The following PCDHGA4 variants were observed in gnomAD, a reference collection of about 807,000 sequenced individuals.
PCDHGA4 encodes protocadherin gamma subfamily A, 4.
PCDHGA4 carries 38 observed loss-of-function variants against 54.6 expected under a neutral mutation model. The observed-to-expected ratio is 0.70, with a 90% confidence interval of 0.54 to 0.91. The LOEUF (loss-of-function observed/expected upper bound fraction) is 0.91, where lower values mean the gene tolerates loss of function less well. Among genes scored for constraint, PCDHGA4 ranks in the 40% least tolerant of loss-of-function variants. The probability of loss-of-function intolerance (pLI) is 0.00; values close to 1 mark genes in which losing one functional copy is unlikely to be tolerated. For synonymous variants in PCDHGA4, 511 were observed against 512.9 expected (o/e 1.00, Z 0.05); for missense variants, 1,298 against 1,220.9 (o/e 1.06, Z -0.94).
At chr5:141,399,785 A>G (rs748714301) in intron 1 of PCDHGA4, 6 of 1,613,294 alleles carry the variant, frequency 3.7e-6, no homozygotes, top group South Asian at 1.1e-5. Context: ...GACCGAAACG[A>G]CAACGCACCG....
intron 1 of PCDHGA4, among the ~76,000 whole-genome samples, chr5:141,455,803 A>C (rs1197986124): frequency 2.6e-5 from 4 of 152,068 alleles, no homozygotes; most frequent in Non-Finnish European, 4.4e-5. Flanking sequence ...TGCTTTAAAA[A>C]ATGAAAACTT....
intron 1 of PCDHGA4, chr5:141,393,560 G>A (rs1448273528): frequency 1.5e-5 from 24 of 1,613,796 alleles, no homozygotes; most frequent in Non-Finnish European, 2.0e-5. Context: ...TTTACCGAGT[G>A]AAAGTCCTTG....
intron 1 of PCDHGA4, among the ~76,000 whole-genome samples, chr5:141,359,860 AAG>A (rs1033135991): frequency 6.6e-6 from 1 of 152,190 alleles, no homozygotes; most frequent in Non-Finnish European, 1.5e-5. Context: ...TAAATTAAAA[AAG>A]AAAAGAAAAG....
At chr5:141,359,574 T>C (rs1001911396) in intron 1 of PCDHGA4, among the ~76,000 whole-genome samples, 1 of 151,702 alleles carries the variant, frequency 6.6e-6, no homozygotes, top group African/African-American at 2.4e-5. Context: ...GATATGATCT[T>C]TAAGATATAA....
chr5:141,429,913 T>C (rs1013990672), intron 1 of PCDHGA4, among the ~76,000 whole-genome samples: 29 of 152,238 alleles, frequency 1.9e-4, no homozygotes, highest in African/African-American at 7.0e-4. Context: ...TGAAATATAA[T>C]GTATTAATAG....
intron 1 of PCDHGA4, among the ~76,000 whole-genome samples, chr5:141,381,074 T>C (rs1776971630): frequency 6.6e-6 from 1 of 152,250 alleles, no homozygotes; most frequent in Non-Finnish European, 1.5e-5. Flanking sequence ...AACTATGGAT[T>C]ATTTTGATAG....
chr5:141,420,080 C>T (rs754438863), intron 1 of PCDHGA4: 2 of 1,614,010 alleles, frequency 1.2e-6, no homozygotes, highest in Non-Finnish European at 1.7e-6. Context: ...TGTGGGTCCC[C>T]CCAACTACAG....
intron 1 of PCDHGA4, among the ~76,000 whole-genome samples, chr5:141,468,788 C>T (rs2099179417): frequency 6.6e-6 from 1 of 151,926 alleles, no homozygotes; most frequent in Admixed American, 6.6e-5. Context: ...ATGGCGTGAA[C>T]CCGGGAGGCG....
At position 141,362,518 on chromosome 5, in the gene PCDHGA4, G is replaced by A. The variant is rs914330317; in HGVS notation, c.2514+4897G>A. 3.7e-6 allele frequency: 6 copies of A among 1,613,886 alleles called. No individual in the cohort carries two copies. In the East Asian group the frequency reaches 1.1e-4, roughly 30 times the overall value. ...TTGGGAACAAAATACAAATCATGGAGCCGCTGGGGTCCCTTTTGCCTCAGA... is the reference window on the plus strand; with the variant it reads ...TTGGGAACAAAATACAAATCATGGAACCGCTGGGGTCCCTTTTGCCTCAGA... On this transcript the variant is annotated intron_variant, in intron 1 of 3. Transcript: ENST00000571252.
chr5:141,430,632 C>T, intron 1 of PCDHGA4: 1 of 852,604 alleles, frequency 1.2e-6, no homozygotes, highest in Non-Finnish European at 1.7e-6. Flanking sequence ...AATGAACCAT[C>T]CCTGGGAGTA....
Position 141,476,658 on chromosome 5 carries a change from C to A in PCDHGA4, c.2515-18149C>A, listed in dbSNP as rs182518072. On this transcript the variant is annotated intron_variant, in intron 1 of 3. Transcript: ENST00000571252. The surrounding 1 kb of genome is among the most constrained non-coding windows in gnomAD (Gnocchi z 7.6). ...GAGCTGAGCCGAAATGAATACTTTGCGCTTCGCGTGCAGACGCGGGAGGAC... is the reference window on the plus strand; with the variant it reads ...GAGCTGAGCCGAAATGAATACTTTGAGCTTCGCGTGCAGACGCGGGAGGAC... 2 of 1,614,244 alleles carry A rather than the reference C, an allele frequency of 1.2e-6. No homozygotes were observed. The highest frequency in any genetic ancestry group is 2.2e-5 in the East Asian group (1 of 44,878).
At chr5:141,403,877 T>A in intron 1 of PCDHGA4, 1 of 1,613,796 alleles carries the variant, frequency 6.2e-7, no homozygotes, top group Non-Finnish European at 8.5e-7. Context: ...AAGTCTAGAT[T>A]ATGAAGAATG....
chr5:141,477,169 G>A lies in PCDHGA4; in HGVS notation c.2515-17638G>A. 6.2e-7 allele frequency: 1 copy of A among 1,614,198 alleles called. No individual in the cohort carries two copies. The highest frequency in any genetic ancestry group is 8.5e-7 in the Non-Finnish European group (1 of 1,180,042). The stretch of plus-strand genomic sequence containing the variant: ...TGGATGTGAATGACAACGCCCCGGA[G>A]ATCACAGTCACCTCCGTGTACAGCC... On this transcript the variant is annotated intron_variant, in intron 1 of 3. Transcript: ENST00000571252. The surrounding 1 kb of genome is among the most constrained non-coding windows in gnomAD (Gnocchi z 4.9).
chr5:141,419,549 T>C, intron 1 of PCDHGA4: 1 of 1,612,006 alleles, frequency 6.2e-7, no homozygotes, highest in Non-Finnish European at 8.5e-7. Context: ...GCGGGTGCTG[T>C]ACCCTGCGCT....
At chr5:141,509,335 G>T (rs113423267) in intron 3 of PCDHGA4, among the ~76,000 whole-genome samples, 106 of 152,262 alleles carry the variant, frequency 7.0e-4, no homozygotes, top group African/African-American at 2.4e-3. Context: ...CTGCCAGCTG[G>T]GCCTGGGCTG....
Position 141,476,838 on chromosome 5 carries a change from C to T in PCDHGA4, c.2515-17969C>T, listed in dbSNP as rs1347278637. 2.5e-6 allele frequency: 4 copies of T among 1,613,496 alleles called. No individual in the cohort carries two copies. Among genetic ancestry groups the T allele is most frequent in the Non-Finnish European group, 3.4e-6 (4 of 1,180,054 alleles). ...AAGGTGCTGGACGCGAATGACAATG[C>T]GCCTGTCTTCAACCAGTCCTTGTAC... On this transcript the variant is annotated intron_variant, in intron 1 of 3. Transcript: ENST00000571252. This position sits in a 1 kb window ranked among gnomAD's most constrained non-coding sequence, Gnocchi z 7.6.
At chr5:141,375,610 C>T (rs748991083) in intron 1 of PCDHGA4, 1 of 1,614,224 alleles carries the variant, frequency 6.2e-7, no homozygotes, top group South Asian at 1.1e-5. Flanking sequence ...CCATCAACTC[C>T]GACACTGGGA....
At chr5:141,408,834 T>G in intron 1 of PCDHGA4, 1 of 1,613,696 alleles carries the variant, frequency 6.2e-7, no homozygotes, top group Non-Finnish European at 8.5e-7. Context: ...CATAGCTTGA[T>G]ATTGACTGCC....
intron 1 of PCDHGA4, among the ~76,000 whole-genome samples, chr5:141,454,252 A>T (rs1288181537): frequency 6.6e-6 from 1 of 152,214 alleles, no homozygotes; most frequent in Non-Finnish European, 1.5e-5. Context: ...AAGATGTCCC[A>T]GAGAAAGTAA....
Sources: gnomAD v4.1 joint callset for allele counts (sites outside exome capture counted in the v4.1 genomes callset) on GRCh38, gnomAD v4.1.1 for gene constraint, Gnocchi (gnomAD v3.1) non-coding constraint, MANE v1.5 for transcripts, NCBI Gene and HGNC (gene_info 2026-07-23, HGNC 2026-07-21) for gene names.